Variants in ATAD2B observed in about 807,000 individuals in gnomAD.
The protein encoded by ATAD2B is ATPase family AAA domain-containing protein 2B.
A neutral mutation model predicts 167.6 loss-of-function variants in ATAD2B; 40 were observed. That is an observed-to-expected ratio of 0.24 (90% CI 0.19 to 0.31). The LOEUF (loss-of-function observed/expected upper bound fraction) is 0.31, where lower values mean the gene tolerates loss of function less well. Ranked by LOEUF, ATAD2B falls within the 10% of genes least tolerant of loss-of-function variation. The pLI, the probability that ATAD2B is intolerant of heterozygous loss-of-function variation, is 1.00. For synonymous variants in ATAD2B, 579 were observed against 596.5 expected (o/e 0.97, Z 0.43); for missense variants, 1,242 against 1,757.2 (o/e 0.71, Z 5.24).
intron 25 of ATAD2B, among the ~76,000 whole-genome samples, chr2:23,756,139 C>T (rs1335668136): frequency 6.6e-6 from 1 of 152,140 alleles, no homozygotes; most frequent in Non-Finnish European, 1.5e-5. Context: ...ATTCCTTCTC[C>T]ACTTTTCCCA....
In ATAD2B at chr2:23,762,342, T is replaced by C. The variant is rs191915541; in HGVS notation, c.3261A>G (p.Leu1087=). Residue 1087 remains leucine, a synonymous_variant, in exon 24 of 28, where the codon TTA becomes TTG. Transcript: ENST00000238789. ...GATTTATTTGTTCTGATGTTACTGA[T>C]AAGCCTGCAAGCAGAAGATAAGCAA... ...EIKEARIKRG[L]SVTSEQINPH... The C allele has an allele frequency of 4.0e-4, 640 of 1,612,158 alleles. 1 individual carries two copies. Among genetic ancestry groups the C allele is most frequent in the Non-Finnish European group, 4.9e-4 (572 of 1,179,212 alleles).
the ATAD2B span, among the ~76,000 whole-genome samples, chr2:23,680,425 G>T: frequency 6.6e-6 from 1 of 152,224 alleles, no homozygotes; most frequent in South Asian, 2.1e-4. The surrounding 1 kb of genome is among the most constrained non-coding windows in gnomAD (Gnocchi z 4.1). Flanking sequence ...AGCCACTTCC[G>T]TGAGCAAGGC....
intron 13 of ATAD2B, among the ~76,000 whole-genome samples, chr2:23,839,990 T>C (rs1158611802): frequency 6.6e-6 from 1 of 152,166 alleles, no homozygotes; most frequent in Non-Finnish European, 1.5e-5. Context: ...ATACAGTAAG[T>C]ACTCTTTTTA....
intron 9 of ATAD2B, 28 bp downstream of exon 9, chr2:23,869,635 T>C (rs1477876646): frequency 3.4e-6 from 5 of 1,469,470 alleles, no homozygotes; most frequent in East Asian, 2.4e-5. Context: ...TTTTCTACCA[T>C]GGAAATAACA....
chr2:23,695,287 T>A, the ATAD2B span, among the ~76,000 whole-genome samples: 2 of 152,146 alleles, frequency 1.3e-5, no homozygotes, highest in Non-Finnish European at 1.5e-5. The surrounding 1 kb of genome is among the most constrained non-coding windows in gnomAD (Gnocchi z 7.6). Context: ...CCCTCGCCCC[T>A]GCCCCCAGTG....
intron 22 of ATAD2B, among the ~76,000 whole-genome samples, chr2:23,768,276 G>A (rs72780111): frequency 0.12 from 18,197 of 152,090 alleles, 1,163 homozygotes; most frequent in Middle Eastern, 0.21. Flanking sequence ...GATCGTGCCC[G>A]TAGTCAAAGC....
chr2:23,814,519 G>A (rs1322880656), intron 17 of ATAD2B, among the ~76,000 whole-genome samples: 18 of 152,172 alleles, frequency 1.2e-4, no homozygotes, highest in Admixed American at 1.1e-3. Context: ...CAAAAGATTG[G>A]AGGTACAAGA....
intron 1 of ATAD2B, among the ~76,000 whole-genome samples, chr2:23,922,317 C>A (rs183232758): frequency 1.3e-5 from 2 of 152,024 alleles, no homozygotes; most frequent in Admixed American, 1.3e-4. Context: ...CAAATAAACG[C>A]TAATGACTGA....
chr2:23,694,800 G>A, the ATAD2B span, among the ~76,000 whole-genome samples: 1 of 152,110 alleles, frequency 6.6e-6, no homozygotes, highest in Non-Finnish European at 1.5e-5. Flanking sequence ...CCATCCAGAT[G>A]CCATTCCCTC....
rs182809480 is a variant in ATAD2B at position 23,926,103 on chromosome 2, C to G, written c.216+452G>C. On this transcript the variant is annotated intron_variant, in intron 1 of 27. Coordinates refer to ENST00000238789, the MANE Select transcript of ATAD2B (RefSeq NM_017552.4). ...CACTTCCTCACCAACTTGAACCACC[C>G]CCAAACTGAGAGTAAGCTGGAGTTA... Among the ~76,000 whole-genome samples the G allele has an allele frequency of 5.2e-3, 790 of 152,316 alleles. 3 individuals carry two copies. Among genetic ancestry groups the G allele is most frequent in the Middle Eastern group, 0.01 (3 of 294 alleles).
intron 11 of ATAD2B, 22 bp downstream of exon 11, chr2:23,864,786 TA>T (rs775811544): frequency 8.6e-7 from 1 of 1,164,142 alleles, no homozygotes. Flanking sequence ...ATAACAATAA[TA>T]AACATCTATG....
intron 18 of ATAD2B, among the ~76,000 whole-genome samples, chr2:23,808,077 G>GTAATTATATATATAATTATATATATAAA (rs1194701678): frequency 3.3e-5 from 4 of 122,780 alleles, no homozygotes; most frequent in East Asian, 2.1e-4. Context: ...TAATATATAA[G>GTAATTATATATATAATTATATATATAAA]TAATTATATA....
chr2:23,880,597 A>T, intron 7 of ATAD2B, 42 bp downstream of exon 7: 1 of 1,116,660 alleles, frequency 9.0e-7, no homozygotes, highest in Non-Finnish European at 1.3e-6. Context: ...AGAATAAGTT[A>T]CTCAACTACC....
At chr2:23,762,089 G>GA (rs1676816944) in intron 24 of ATAD2B, 120 bp downstream of exon 24, 1 of 1,022,182 alleles carries the variant, frequency 9.8e-7, no homozygotes. Flanking sequence ...CTTCACCTCT[G>GA]AAAAGAGATT....
intron 24 of ATAD2B, among the ~76,000 whole-genome samples, chr2:23,761,484 C>CA (rs920327670): frequency 5.9e-5 from 9 of 151,762 alleles, no homozygotes; most frequent in Admixed American, 3.3e-4. Flanking sequence ...TTCCAAAATC[C>CA]AAAAAAAATC....
intron 24 of ATAD2B, among the ~76,000 whole-genome samples, chr2:23,758,726 C>A (rs1676256876): frequency 6.6e-6 from 1 of 152,166 alleles, no homozygotes; most frequent in Non-Finnish European, 1.5e-5. Flanking sequence ...AAACAGTTCA[C>A]CCAGCAGCAT....
chr2:23,805,676 C>T (rs1684257355), intron 18 of ATAD2B, among the ~76,000 whole-genome samples: 1 of 151,704 alleles, frequency 6.6e-6, no homozygotes. Flanking sequence ...TCACACTACA[C>T]CAATGTGGTA....
intron 2 of ATAD2B, among the ~76,000 whole-genome samples, chr2:23,895,136 T>C (rs1700012740): frequency 6.6e-6 from 1 of 152,122 alleles, no homozygotes; most frequent in Non-Finnish European, 1.5e-5. Flanking sequence ...AACCCTTTAG[T>C]TCCCAGACCC....
At chr2:23,795,558 A>G (rs1406905676) in intron 19 of ATAD2B, among the ~76,000 whole-genome samples, 1 of 152,174 alleles carries the variant, frequency 6.6e-6, no homozygotes, top group African/African-American at 2.4e-5. Flanking sequence ...GCTAAATATT[A>G]GAGATTACTA....
Sources: allele counts gnomAD v4.1 joint callset (sites outside exome capture counted in the v4.1 genomes callset), GRCh38; gene constraint gnomAD v4.1.1; non-coding constraint Gnocchi (gnomAD v3.1); transcripts MANE v1.5; gene names NCBI Gene and HGNC (gene_info 2026-07-23, HGNC 2026-07-21).